The following IQSEC1 variants were observed in gnomAD, a reference collection of about 807,000 sequenced individuals.
The protein encoded by IQSEC1 is IQ motif and Sec7 domain ArfGEF 1.
IQSEC1 carries 31 observed loss-of-function variants against 91.0 expected under a neutral mutation model. The observed-to-expected ratio is 0.34, with a 90% CI of 0.26 to 0.46. The LOEUF is 0.46. Ranked by LOEUF, IQSEC1 falls within the 20% of genes least tolerant of loss-of-function variation. The pLI is 1.00. For missense variants in IQSEC1, 1,388 were observed against 1,575.6 expected (o/e 0.88, Z 2.02); for synonymous variants, 699 against 662.6 (o/e 1.05, Z -0.84).
chr3:13,220,177 C>T (rs927908869), intron 1 of IQSEC1, among the ~76,000 whole-genome samples: 2 of 152,232 alleles, frequency 1.3e-5, no homozygotes, highest in African/African-American at 4.8e-5. Flanking sequence ...CCTCCTGGGG[C>T]CGGCAGTGGC....
chr3:13,025,146 C>T (rs946083336), intron 1 of IQSEC1, among the ~76,000 whole-genome samples: 5 of 152,228 alleles, frequency 3.3e-5, no homozygotes, highest in Admixed American at 2.6e-4. Flanking sequence ...GTGCTCAGTG[C>T]TAGTTGCCCT....
chr3:13,129,413 G>T (rs1706569145), intron 2 of IQSEC1, among the ~76,000 whole-genome samples: 1 of 151,996 alleles, frequency 6.6e-6, no homozygotes, highest in South Asian at 2.1e-4. Context: ...ACTTTCACTG[G>T]TCTTCTCAAA....
intron 1 of IQSEC1, among the ~76,000 whole-genome samples, chr3:13,060,465 C>T (rs538225066): frequency 2.6e-4 from 39 of 152,300 alleles, no homozygotes; most frequent in Non-Finnish European, 5.3e-4. Context: ...GAGGGGTGAC[C>T]AGCTCCTGCA....
chr3:13,270,846 G>A lies in IQSEC1; in HGVS notation c.272+11865C>T, dbSNP rs150998223. 1.8e-3 allele frequency among the ~76,000 whole-genome samples: 278 copies of A among 152,262 alleles called. 3 individuals are homozygous for A. Among genetic ancestry groups the A allele is most frequent in the African/African-American group, 6.2e-3 (256 of 41,550 alleles). On this transcript the variant is annotated intron_variant, in intron 1 of 15. Coordinates refer to the IQSEC1 transcript ENST00000648114. ...CACTCCAATCAAAAGGCAAAGACTG[G>A]TAGAATGGATAATAGAAAACATAAT...
Position 12,941,663 on chromosome 3 carries a change from T to C in IQSEC1, c.226A>G (p.Ile76Val), listed in dbSNP as rs1395522466. The change falls in exon 2 of 14, where the codon ATC becomes GTC. Residue 76 changes from isoleucine (I) to valine (V), a missense_variant. Ile to Val is a conservative substitution (Grantham distance 29). Around this residue, in one of 2 missense-constraint regions of IQSEC1, gnomAD observed 1,059 missense variants for 1,317.8 expected, o/e 0.80. Coordinates refer to ENST00000613206, the MANE Select transcript of IQSEC1 (RefSeq NM_001134382.3). The part of the protein sequence containing the change: ...RRPKLQHSTS[I>V]LRKQAEEEAI... The stretch of plus-strand genomic sequence containing the variant: ...TCCTCCTCAGCCTGCTTGCGCAGGA[T>C]GGAGGTCGAGTGCTGCAGCTTGGGC... The C allele has an allele frequency of 1.9e-6, 3 of 1,612,982 alleles. No individual in the cohort carries two copies. Among genetic ancestry groups the C allele is most frequent in the Non-Finnish European group, 2.5e-6 (3 of 1,179,918 alleles).
intron 1 of IQSEC1, among the ~76,000 whole-genome samples, chr3:12,993,015 C>G (rs955831608): frequency 2.6e-5 from 4 of 152,108 alleles, no homozygotes; most frequent in African/African-American, 9.7e-5. Context: ...CTCTAAGACC[C>G]TGGCCCAGGA....
chr3:12,938,073 C>A (rs898906128), intron 2 of IQSEC1, among the ~76,000 whole-genome samples: 6 of 152,242 alleles, frequency 3.9e-5, no homozygotes, highest in Non-Finnish European at 5.9e-5. Context: ...GGACAATGAA[C>A]ACACTCCTGC....
Position 12,909,276 on chromosome 3 carries a change from C to G in IQSEC1, c.2575G>C (p.Glu859Gln), listed in dbSNP as rs1451166177. 6.2e-7 allele frequency: 1 copy of G among 1,614,014 alleles called. No homozygotes were observed. Among genetic ancestry groups the G allele is most frequent in the African/African-American group, 1.3e-5 (1 of 74,948 alleles). Reference sequence around the variant, plus strand: ...GTCCATGAGGCCTGGTACTCACACTCTATCCTGTGCTTCTCCATCTCTTGG... The same window carrying G: ...GTCCATGAGGCCTGGTACTCACACTGTATCCTGTGCTTCTCCATCTCTTGG... ...EVQEMEKHRI[E>Q]SELEKQKGVV... is the part of the protein sequence containing the mutation. Residue 859 changes from glutamate (E) to glutamine (Q), a missense_variant, in exon 11 of 14, where the codon GAG becomes CAG. Glu to Gln is a conservative substitution (Grantham distance 29). Transcript: ENST00000613206. This position sits in a 1 kb window ranked among gnomAD's most constrained non-coding sequence, Gnocchi z 4.9.
At chr3:13,052,031 C>T (rs1013133164) in intron 1 of IQSEC1, among the ~76,000 whole-genome samples, 13 of 152,342 alleles carry the variant, frequency 8.5e-5, no homozygotes, top group Non-Finnish European at 1.3e-4. Flanking sequence ...CTGCAGTACA[C>T]CATCAATGCT....
intron 1 of IQSEC1, among the ~76,000 whole-genome samples, chr3:13,258,399 G>T (rs1209690169): frequency 6.6e-6 from 1 of 152,182 alleles, no homozygotes; most frequent in Non-Finnish European, 1.5e-5. Context: ...CTAGAACTCA[G>T]GGCCAGGTGT....
chr3:12,920,497 G>T lies in IQSEC1; in HGVS notation c.1953C>A (p.Asp651Glu). 1.2e-6 allele frequency: 2 copies of T among 1,614,202 alleles called. No individual in the cohort carries two copies. The highest frequency in any genetic ancestry group is 1.7e-6 in the Non-Finnish European group (2 of 1,180,010). The change falls in exon 6 of 14, where the codon GAC becomes GAA. Residue 651 changes from aspartate (D) to glutamate (E), a missense_variant. By Grantham distance (45) the Asp-to-Glu change is conservative (BLOSUM62 2). This residue lies in a region of IQSEC1 where 1,059 missense variants were observed against 1,317.8 expected (regional missense o/e 0.80). Transcript: ENST00000613206. ...LAFAIILLNT[D>E]MYSPNVKPER... The stretch of plus-strand genomic sequence containing the variant: ...CGGGCTTGACATTGGGGCTGTACAT[G>T]TCGGTGTTCAGCAGGATGATGGCGA...
chr3:13,022,251 G>A (rs1703434728), intron 1 of IQSEC1: 1 of 1,224,444 alleles, frequency 8.2e-7, no homozygotes. Context: ...AGCCCCCAAA[G>A]TTAGGGAAAA....
chr3:13,068,050 C>G lies in IQSEC1; in HGVS notation c.23+4942G>C, dbSNP rs185435509. 4.7e-4 allele frequency among the ~76,000 whole-genome samples: 71 copies of G among 152,366 alleles called. 1 individual carries two copies. The Middle Eastern group carries it at 0.01, about 22-fold the overall frequency. On this transcript the variant is annotated intron_variant, in intron 1 of 13. Transcript: ENST00000613206. Reference sequence around the variant, plus strand: ...TGGAAGGGGAGTATCAGCCCCACCACATAGAGCAGGAGGCTTAGGCCCAGT... The same window carrying G: ...TGGAAGGGGAGTATCAGCCCCACCAGATAGAGCAGGAGGCTTAGGCCCAGT...
chr3:13,194,397 G>A lies in IQSEC1; in HGVS notation c.273-30264C>T, dbSNP rs544638637. ...CTCTCCTATGCTCTGACTCTCACTG[G>A]GCTCTGGGGACACCGCCTGTCCCCT... On this transcript the variant is annotated intron_variant, in intron 1 of 15. Coordinates refer to the IQSEC1 transcript ENST00000648114. Among the ~76,000 whole-genome samples, 19 of 152,164 alleles carry A rather than the reference G, an allele frequency of 1.2e-4. No homozygotes were observed. In the East Asian group the frequency reaches 3.1e-3, roughly 25 times the overall value.
intron 2 of IQSEC1, among the ~76,000 whole-genome samples, chr3:13,124,450 G>T (rs1037349503): frequency 6.6e-6 from 1 of 152,200 alleles, no homozygotes; most frequent in African/African-American, 2.4e-5. Context: ...GCTCTGCTCT[G>T]CAAGGCGGTC....
chr3:13,040,880 C>T (rs1447903711), intron 1 of IQSEC1, among the ~76,000 whole-genome samples: 1 of 152,194 alleles, frequency 6.6e-6, no homozygotes, highest in Admixed American at 6.5e-5. Context: ...ACTCTGACCG[C>T]GACTCATGCC....
intron 1 of IQSEC1, among the ~76,000 whole-genome samples, chr3:13,056,447 C>T (rs1299281671): frequency 6.6e-6 from 1 of 152,160 alleles, no homozygotes; most frequent in Non-Finnish European, 1.5e-5. Context: ...ATGTCAGACC[C>T]TTCAGGTGCT....
intron 2 of IQSEC1, among the ~76,000 whole-genome samples, chr3:13,123,390 G>T (rs1411425962): frequency 1.3e-5 from 2 of 152,244 alleles, no homozygotes; most frequent in Non-Finnish European, 2.9e-5. Flanking sequence ...GGCGGAGTCA[G>T]GTCTTTCCGG....
intron 3 of IQSEC1, among the ~76,000 whole-genome samples, chr3:12,928,994 C>T (rs2600208): frequency 0.54 from 81,863 of 151,918 alleles, 23,213 homozygotes; most frequent in Non-Finnish European, 0.64. Context: ...TGGTCCCCAT[C>T]GTCAAAAAAC....
Sources: gnomAD v4.1 joint callset for allele counts (sites outside exome capture counted in the v4.1 genomes callset) on GRCh38, gnomAD v4.1.1 for gene constraint, gnomAD v4.1.1 regional missense constraint, Gnocchi (gnomAD v3.1) non-coding constraint, MANE v1.5 for transcripts, NCBI Gene and HGNC (gene_info 2026-07-23, HGNC 2026-07-21) for gene names.